TBCD: variants seen among roughly 807,000 people sequenced by gnomAD.
TBCD encodes tubulin-specific chaperone D.
Under a neutral mutation model 169.3 loss-of-function variants are expected in TBCD, and 105 were observed. The observed-to-expected ratio is 0.62, with a 90% CI of 0.53 to 0.73. TBCD has a LOEUF of 0.73. Ranked by LOEUF, TBCD falls within the 30% of genes least tolerant of loss-of-function variation. The pLI, the probability that TBCD is intolerant of heterozygous loss-of-function variation, is 0.00. For synonymous variants in TBCD, 700 were observed against 643.9 expected (o/e 1.09, Z -1.32); for missense variants, 1,444 against 1,600.1 (o/e 0.90, Z 1.66).
chr17:82,865,457 GC>G, intron 13 of TBCD: 1 of 985,448 alleles, frequency 1.0e-6, no homozygotes, highest in South Asian at 4.7e-5. Flanking sequence ...CCTGCCCACA[GC>G]CACCCTCTCT....
intron 17 of TBCD, among the ~76,000 whole-genome samples, chr17:82,897,375 G>A (rs879899845): frequency 3.3e-5 from 5 of 151,918 alleles, no homozygotes; most frequent in Admixed American, 2.0e-4. Context: ...AAAATTAGTC[G>A]GGCATGGTGG....
intron 8 of TBCD, among the ~76,000 whole-genome samples, chr17:82,798,681 TGGG>T (rs1196388290): frequency 1.3e-5 from 2 of 152,212 alleles, no homozygotes; most frequent in Non-Finnish European, 2.9e-5. Flanking sequence ...CCTGGCTTCT[TGGG>T]GCCCAGGAGC....
intron 9 of TBCD, among the ~76,000 whole-genome samples, chr17:82,801,727 G>T (rs1300610356): frequency 8.0e-6 from 1 of 124,260 alleles, no homozygotes; most frequent in Non-Finnish European, 1.6e-5. Flanking sequence ...AGCGTGGCAG[G>T]AGGGTGACGT....
At chr17:82,904,291 C>T (rs1185422666) in intron 19 of TBCD, among the ~76,000 whole-genome samples, 2 of 149,784 alleles carry the variant, frequency 1.3e-5, no homozygotes, top group East Asian at 2.0e-4. Flanking sequence ...ATCTGCCACA[C>T]GACACTCCCT....
In TBCD at chr17:82,752,158, C is replaced by T; in HGVS notation, c.-36C>T. ...GCTCTAGCGGAGTGGGATCTGCGAA[C>T]ACGTGAGGCGGGGGCGCGGTCCCCA... On this transcript the variant is annotated 5_prime_UTR_variant, in exon 1 of 39. Coordinates refer to ENST00000355528, the MANE Select transcript of TBCD (RefSeq NM_005993.5). The T allele has an allele frequency of 6.8e-7, 1 of 1,481,424 alleles. No homozygotes were observed. The highest frequency in any genetic ancestry group is 8.9e-7 in the Non-Finnish European group (1 of 1,119,134). 91.8% of individuals were successfully genotyped at this position (1,481,424 alleles called of 1,614,324 possible).
intron 13 of TBCD, chr17:82,840,294 A>G (rs569451013): frequency 2.0e-4 from 30 of 152,368 alleles, no homozygotes; most frequent in African/African-American, 7.2e-4. Context: ...CGCAGTTAGA[A>G]TAGAGATTAC....
rs987259533 is a variant in TBCD at position 82,835,421 on chromosome 17, C to G, written c.1318+20487C>G. Among the ~76,000 whole-genome samples, 1 of 121,416 alleles carries G rather than the reference C, an allele frequency of 8.2e-6. No homozygotes were observed. Among genetic ancestry groups the G allele is most frequent in the African/African-American group, 2.6e-5 (1 of 39,200 alleles). The allele number at this position is 121,416 out of a possible 152,430, so 79.7% of individuals were successfully genotyped here. On this transcript the variant is annotated intron_variant, in intron 13 of 38. Coordinates refer to ENST00000355528, the MANE Select transcript of TBCD (RefSeq NM_005993.5). This position sits in a 1 kb window ranked among gnomAD's most constrained non-coding sequence, Gnocchi z 4.5. ...TTTCTCTACTGATTTATTCATATTTCTTTCTTTCTTTCTTTTTTGAGACGG... is the reference window on the plus strand; with the variant it reads ...TTTCTCTACTGATTTATTCATATTTGTTTCTTTCTTTCTTTTTTGAGACGG...
intron 13 of TBCD, among the ~76,000 whole-genome samples, chr17:82,863,211 TC>T (rs2056909724): frequency 6.6e-6 from 1 of 152,184 alleles, no homozygotes; most frequent in Admixed American, 6.5e-5. Flanking sequence ...AGTCCTCAGA[TC>T]AGCTGCTTCA....
At chr17:82,774,027 C>T (rs1183052178) in intron 6 of TBCD, among the ~76,000 whole-genome samples, 4 of 148,244 alleles carry the variant, frequency 2.7e-5, no homozygotes, top group Non-Finnish European at 5.9e-5. Flanking sequence ...CCGCGCCTGG[C>T]CCGAGTGTGT....
At chr17:82,855,758 T>C (rs1369449060) in intron 13 of TBCD, among the ~76,000 whole-genome samples, 1 of 152,238 alleles carries the variant, frequency 6.6e-6, no homozygotes, top group Non-Finnish European at 1.5e-5. Context: ...AAAAATACTC[T>C]GGTGTCCATT....
At chr17:82,777,191 T>C (rs1348907547) in intron 6 of TBCD, among the ~76,000 whole-genome samples, 1 of 152,188 alleles carries the variant, frequency 6.6e-6, no homozygotes, top group East Asian at 1.9e-4. Flanking sequence ...TTCTCTACCG[T>C]TTATTAAGAC....
At chr17:82,758,397 A>T (rs867932372) in intron 2 of TBCD, among the ~76,000 whole-genome samples, 12 of 127,422 alleles carry the variant, frequency 9.4e-5, no homozygotes, top group African/African-American at 3.6e-4. Flanking sequence ...AAAAAAAAAA[A>T]AAAAAATAAA....
chr17:82,926,229 T>C lies in TBCD; in HGVS notation c.2380-171T>C, dbSNP rs1599615499. Among the ~76,000 whole-genome samples the C allele has an allele frequency of 2.0e-5, 3 of 149,634 alleles. No individual in the cohort carries two copies. The South Asian group carries it at 6.4e-4, about 32-fold the overall frequency. On this transcript the variant is annotated intron_variant, in intron 27 of 38. Coordinates refer to ENST00000355528, the MANE Select transcript of TBCD (RefSeq NM_005993.5). ...AGGCTGGAGGTGACCTCTCCCCGGGTGTCCTTCCTGGGTTGTACCAGGGGC... is the reference window on the plus strand; with the variant it reads ...AGGCTGGAGGTGACCTCTCCCCGGGCGTCCTTCCTGGGTTGTACCAGGGGC...
Position 82,887,168 on chromosome 17 carries a change from T to TGTGTGTGTGTGCGC in TBCD, c.1534-2499_1534-2498insTGTGTGTGTGCGCG. Among the ~76,000 whole-genome samples the TGTGTGTGTGTGCGC allele has an allele frequency of 2.0e-3, 254 of 126,164 alleles. 4 individuals carry two copies. The highest frequency in any genetic ancestry group is 6.8e-3 in the South Asian group (23 of 3,400). 82.8% of individuals were successfully genotyped at this position (126,164 alleles called of 152,430 possible). On this transcript the variant is annotated intron_variant, in intron 15 of 38. Coordinates refer to ENST00000355528, the MANE Select transcript of TBCD (RefSeq NM_005993.5). ...GTGTGTGTGTGTGTGTGTGTGTGTG[T>TGTGTGTGTGTGCGC]GCGCGCGCGCGCACGTGCGCTCACG...
intron 34 of TBCD, among the ~76,000 whole-genome samples, chr17:82,936,737 C>T (rs1009708809): frequency 6.6e-6 from 1 of 152,180 alleles, no homozygotes; most frequent in Non-Finnish European, 1.5e-5. Flanking sequence ...ACCTTCTCCT[C>T]CCTGGAGTGG....
In TBCD at chr17:82,864,371, C is replaced by T. The variant is rs1169891706; in HGVS notation, c.1319-5853C>T. 1 of 152,258 alleles carries T rather than the reference C, an allele frequency of 6.6e-6. No individual in the cohort carries two copies. The highest frequency in any genetic ancestry group is 2.4e-5 in the African/African-American group (1 of 41,458). 9.4% of individuals were successfully genotyped at this position (152,258 alleles called of 1,614,324 possible). A position where few individuals can be genotyped will look rare whatever the true frequency, so the allele number is the denominator to read the frequency against. ...GCAGATCGAGTGCCGGCTCTCTGTG[C>T]TCTCCAGGAGGTGGCCTTTCACAGC... On this transcript the variant is annotated intron_variant, in intron 13 of 38. Coordinates refer to ENST00000355528, the MANE Select transcript of TBCD (RefSeq NM_005993.5). The surrounding 1 kb of genome is among the most constrained non-coding windows in gnomAD (Gnocchi z 6.3).
chr17:82,802,677 G>A (rs977820532), intron 9 of TBCD, among the ~76,000 whole-genome samples: 3 of 152,244 alleles, frequency 2.0e-5, no homozygotes, highest in African/African-American at 4.8e-5. Flanking sequence ...CCTCCTCAGG[G>A]AGGGCCGGCG....
At chr17:82,897,930 G>T (rs1167062023) in intron 17 of TBCD, among the ~76,000 whole-genome samples, 5 of 150,258 alleles carry the variant, frequency 3.3e-5, no homozygotes, top group African/African-American at 4.9e-5. Context: ...AGTGAGCATT[G>T]AGCCCCCGTG....
chr17:82,812,205 C>T (rs1365493306), intron 12 of TBCD, among the ~76,000 whole-genome samples: 1 of 152,138 alleles, frequency 6.6e-6, no homozygotes, highest in East Asian at 1.9e-4. Context: ...GTGAGCAAAC[C>T]AACTGAACCT....
Sources: allele counts gnomAD v4.1 joint callset (sites outside exome capture counted in the v4.1 genomes callset), GRCh38; gene constraint gnomAD v4.1.1; non-coding constraint Gnocchi (gnomAD v3.1); transcripts MANE v1.5; gene names NCBI Gene and HGNC (gene_info 2026-07-23, HGNC 2026-07-21).